U2SURP: variants seen among roughly 807,000 people sequenced by gnomAD.
U2SURP encodes the protein U2 snRNP-associated SURP motif-containing protein.
In U2SURP, 9 loss-of-function variants were observed where a neutral mutation model predicts 144.9. The ratio of observed to expected loss-of-function variants is 0.06; its 90% CI spans 0.04 to 0.11. The LOEUF is 0.11. Ranked by LOEUF, U2SURP falls within the 10% of genes least tolerant of loss-of-function variation. The pLI is 1.00. For synonymous variants in U2SURP, 408 were observed against 396.8 expected (o/e 1.03, Z -0.33); for missense variants, 724 against 1,226.7 (o/e 0.59, Z 6.12).
At chr3:143,027,814 A>G (rs78991172) in intron 14 of U2SURP, among the ~76,000 whole-genome samples, 5,911 of 152,172 alleles carry the variant, frequency 0.039, 330 homozygotes, top group African/African-American at 0.13. Flanking sequence ...ATTGAGGACA[A>G]TTTTCCATCA....
intron 1 of U2SURP, among the ~76,000 whole-genome samples, chr3:143,001,999 C>T (rs1000090937): frequency 6.6e-6 from 1 of 152,218 alleles, no homozygotes; most frequent in Non-Finnish European, 1.5e-5. Flanking sequence ...CTTCCTGCGC[C>T]CTGAGGCCGC....
chr3:143,045,366 C>CAAAAAA (rs11356372), intron 24 of U2SURP, among the ~76,000 whole-genome samples: 3 of 75,424 alleles, frequency 4.0e-5, no homozygotes, highest in African/African-American at 5.2e-5. Context: ...GAGACGCCGT[C>CAAAAAA]AAAAAAAAAA....
At chr3:143,039,025 T>TA (rs1933958854) in intron 23 of U2SURP, 65 bp downstream of exon 23, 1 of 1,156,510 alleles carries the variant, frequency 8.6e-7, no homozygotes, top group African/African-American at 1.6e-5. Context: ...CATTAAGAGA[T>TA]ATAGTTGAAA....
rs1375659437 is a variant in U2SURP at position 143,014,422 on chromosome 3, A to T, written c.321+13A>T. The stretch of plus-strand genomic sequence containing the variant: ...ATTAAAGAAAAAGGTAATGTTGAAA[A>T]TGTATTTTGAATTATCCTTGGAAAT... On this transcript the variant is annotated intron_variant, in intron 4 of 27. Transcript: ENST00000473835. The T allele has an allele frequency of 1.9e-6, 3 of 1,548,188 alleles. No individual in the cohort carries two copies. In the African/African-American group the frequency reaches 4.1e-5, roughly 21 times the overall value.
chr3:143,021,820 A>G (rs1356274477), intron 10 of U2SURP, among the ~76,000 whole-genome samples: 1 of 152,184 alleles, frequency 6.6e-6, no homozygotes, highest in Non-Finnish European at 1.5e-5. Flanking sequence ...GATGAATAAT[A>G]TTATTTTGAG....
Position 143,056,350 on chromosome 3 carries a change from G to A in U2SURP, c.2990G>A (p.Arg997Gln), listed in dbSNP as rs1935152544. 1 of 1,611,012 alleles carries A rather than the reference G, an allele frequency of 6.2e-7. No homozygotes were observed. Among genetic ancestry groups the A allele is most frequent in the South Asian group, 1.1e-5 (1 of 90,592 alleles). Reference protein sequence around the residue: ...SGSRTPKRSRRSRSRSPKKSG... With the variant: ...SGSRTPKRSRQSRSRSPKKSG... ...TCAAGGACACCTAAAAGGTCTAGGC[G>A]ATCACGGTCTAGATCTCCTAAAAAA... Residue 997 changes from arginine (R) to glutamine (Q), a missense_variant, in exon 28 of 28, where the codon CGA becomes CAA. This residue lies in a region of U2SURP where 129 missense variants were observed against 196.1 expected (regional missense o/e 0.66). Transcript: ENST00000473835.
chr3:143,054,116 C>A (rs1935026295), intron 26 of U2SURP, among the ~76,000 whole-genome samples: 1 of 152,172 alleles, frequency 6.6e-6, no homozygotes. Context: ...CTTGTTGCAT[C>A]CAATTTAAGC....
intron 24 of U2SURP, among the ~76,000 whole-genome samples, chr3:143,046,094 A>G (rs1037957646): frequency 3.9e-5 from 6 of 152,044 alleles, no homozygotes; most frequent in African/African-American, 1.4e-4. Flanking sequence ...TATAGTATAT[A>G]TACTGTAATT....
chr3:143,009,177 G>T lies in U2SURP; in HGVS notation c.46-1638G>T, dbSNP rs547569528. On this transcript the variant is annotated intron_variant, in intron 1 of 27. Coordinates refer to ENST00000473835, the MANE Select transcript of U2SURP (RefSeq NM_001080415.2). ...TATGCATTTCAAGATATGTTTCAGGGTGTGTTTCATAGTTAATAAATACTA... is the reference window on the plus strand; with the variant it reads ...TATGCATTTCAAGATATGTTTCAGGTTGTGTTTCATAGTTAATAAATACTA... Among the ~76,000 whole-genome samples the T allele has an allele frequency of 7.9e-5, 12 of 152,228 alleles. No homozygotes were observed. The South Asian group carries it at 2.5e-3, about 32-fold the overall frequency.
intron 23 of U2SURP, among the ~76,000 whole-genome samples, chr3:143,040,259 C>T (rs912503798): frequency 1.3e-5 from 2 of 151,822 alleles, no homozygotes; most frequent in African/African-American, 2.4e-5. Context: ...AATATGAATA[C>T]ATTTTAGCAT....
intron 1 of U2SURP, among the ~76,000 whole-genome samples, chr3:143,003,784 C>T (rs1002537591): frequency 3.3e-5 from 5 of 149,720 alleles, no homozygotes; most frequent in African/African-American, 1.2e-4. Context: ...CTCCGCCTCC[C>T]GGGTTCAAGT....
chr3:143,036,169 T>A, intron 20 of U2SURP, 65 bp downstream of exon 20: 1 of 1,496,816 alleles, frequency 6.7e-7, no homozygotes, highest in Non-Finnish European at 8.9e-7. Flanking sequence ...TTTCTTGGAG[T>A]TGTTCTGTGT....
intron 26 of U2SURP, among the ~76,000 whole-genome samples, 188 bp from the exon 27 acceptor site, chr3:143,054,755 C>T (rs1416960624): frequency 2.6e-5 from 4 of 152,204 alleles, no homozygotes; most frequent in Non-Finnish European, 4.4e-5. Context: ...CAGTTGTTGT[C>T]TCTTGACAAC....
chr3:143,041,537 A>G (rs1476417383), intron 23 of U2SURP, among the ~76,000 whole-genome samples: 2 of 151,952 alleles, frequency 1.3e-5, no homozygotes, highest in Non-Finnish European at 2.9e-5. Context: ...TTTGGTTGAG[A>G]AATTTAAAAG....
At chr3:143,021,601 T>C (rs1164613578) in intron 10 of U2SURP, 46 bp downstream of exon 10, 2 of 1,533,804 alleles carry the variant, frequency 1.3e-6, no homozygotes, top group Admixed American at 3.7e-5. Flanking sequence ...TTTATGCTTT[T>C]GGAAGAAAGC....
intron 23 of U2SURP, 64 bp downstream of exon 23, chr3:143,039,024 A>G (rs1933958429): frequency 6.9e-6 from 8 of 1,156,046 alleles, no homozygotes; most frequent in Non-Finnish European, 9.3e-6. Context: ...TCATTAAGAG[A>G]TATAGTTGAA....
At chr3:143,013,215 G>T (rs994648633) in intron 3 of U2SURP, among the ~76,000 whole-genome samples, 3 of 151,744 alleles carry the variant, frequency 2.0e-5, no homozygotes, top group Admixed American at 6.6e-5. Flanking sequence ...TTTTTCATTG[G>T]GTTTCATTTA....
intron 1 of U2SURP, among the ~76,000 whole-genome samples, chr3:143,010,482 A>G (rs1173884457): frequency 2.0e-5 from 3 of 152,234 alleles, no homozygotes; most frequent in Non-Finnish European, 4.4e-5. Context: ...TAAACGATGC[A>G]TCTATGATTA....
At position 143,060,542 on chromosome 3, in the gene U2SURP, G is replaced by A. The variant is rs1346514029; in HGVS notation, c.*4092G>A. ...TTAATAAAAGTACATTGTTTTCATAGCAAACTTAGACTGTCCATGTAATTT... is the reference window on the plus strand; with the variant it reads ...TTAATAAAAGTACATTGTTTTCATAACAAACTTAGACTGTCCATGTAATTT... On this transcript the variant is annotated 3_prime_UTR_variant, in exon 28 of 28. Coordinates refer to ENST00000473835, the MANE Select transcript of U2SURP (RefSeq NM_001080415.2). 6.6e-6 allele frequency: 1 copy of A among 151,844 alleles called. No individual in the cohort carries two copies. Among genetic ancestry groups the A allele is most frequent in the Non-Finnish European group, 1.5e-5 (1 of 67,818 alleles). The allele number at this position is 151,844 out of a possible 1,614,324, so 9.4% of individuals were successfully genotyped here.
Sources: gnomAD v4.1 joint callset for allele counts (sites outside exome capture counted in the v4.1 genomes callset) on GRCh38, gnomAD v4.1.1 for gene constraint, gnomAD v4.1.1 regional missense constraint, MANE v1.5 for transcripts, NCBI Gene and HGNC (gene_info 2026-07-23, HGNC 2026-07-21) for gene names.